MIR2052HG: variants seen among roughly 807,000 people sequenced by gnomAD.
MIR2052HG encodes MIR2052 host gene.
At chr8:74,667,305 A>G (rs969262389) in intron 2 of MIR2052HG, among the ~76,000 whole-genome samples, 2 of 152,184 alleles carry the variant, frequency 1.3e-5, no homozygotes, top group Admixed American at 6.5e-5. Flanking sequence ...AGAATTCCCA[A>G]TTCTGTGGTA....
At chr8:74,726,157 C>T (rs1445544630) in intron 4 of MIR2052HG, among the ~76,000 whole-genome samples, 1 of 152,054 alleles carries the variant, frequency 6.6e-6, no homozygotes. Context: ...CGCGCCATTG[C>T]ACTCCAGCCT....
intron 4 of MIR2052HG, among the ~76,000 whole-genome samples, chr8:74,749,071 G>C (rs1211853362): frequency 6.6e-6 from 1 of 151,998 alleles, no homozygotes; most frequent in Non-Finnish European, 1.5e-5. Context: ...AATGATTATA[G>C]AATTTTTATA....
At chr8:74,600,933 C>G (rs1338635193) in intron 1 of MIR2052HG, among the ~76,000 whole-genome samples, 2 of 152,194 alleles carry the variant, frequency 1.3e-5, no homozygotes, top group African/African-American at 4.8e-5. Flanking sequence ...AGACCTGGGA[C>G]ATAGGTCTTA....
chr8:74,708,291 G>T (rs558449624), intron 4 of MIR2052HG, among the ~76,000 whole-genome samples: 2 of 152,090 alleles, frequency 1.3e-5, no homozygotes, highest in Admixed American at 6.6e-5. Context: ...ACTAATTTTA[G>T]TTGTATCACA....
intron 3 of MIR2052HG, among the ~76,000 whole-genome samples, chr8:74,702,968 G>A (rs759982560): frequency 6.6e-6 from 1 of 152,042 alleles, no homozygotes; most frequent in Non-Finnish European, 1.5e-5. Context: ...TTGGTGAGAG[G>A]GGTGTTACGT....
At chr8:74,756,310 T>G (rs763638031) in intron 5 of MIR2052HG, among the ~76,000 whole-genome samples, 2 of 152,218 alleles carry the variant, frequency 1.3e-5, no homozygotes, top group African/African-American at 2.4e-5. Flanking sequence ...GTGTGGTTAG[T>G]CTTTCAAGGT....
intron 2 of MIR2052HG, among the ~76,000 whole-genome samples, chr8:74,626,333 A>G (rs554332710): frequency 8.5e-5 from 13 of 152,198 alleles, no homozygotes; most frequent in Non-Finnish European, 1.9e-4. Flanking sequence ...TGGCTTGGCC[A>G]CTAAGGGCTG....
chr8:74,725,886 T>C (rs946066424), intron 4 of MIR2052HG, among the ~76,000 whole-genome samples: 4 of 145,818 alleles, frequency 2.7e-5, no homozygotes, highest in Admixed American at 6.8e-5. Context: ...GGGGCTGTTA[T>C]GAGGAGTGGG....
intron 2 of MIR2052HG, among the ~76,000 whole-genome samples, chr8:74,636,456 T>C (rs969608370): frequency 1.3e-5 from 2 of 152,162 alleles, no homozygotes; most frequent in Non-Finnish European, 2.9e-5. Context: ...GAAGAAAATA[T>C]GCAGGAATGA....
chr8:74,636,503 G>A (rs1035312424), intron 2 of MIR2052HG, among the ~76,000 whole-genome samples: 46 of 152,102 alleles, frequency 3.0e-4, no homozygotes, highest in African/African-American at 1.0e-3. Context: ...AGCTCAAAGC[G>A]CGAATCCAAG....
chr8:74,755,641 C>T (rs368686917), intron 5 of MIR2052HG, among the ~76,000 whole-genome samples: 1 of 152,148 alleles, frequency 6.6e-6, no homozygotes, highest in African/African-American at 2.4e-5. Context: ...GTCAGATGCA[C>T]GGTCTTCCAG....
intron 1 of MIR2052HG, among the ~76,000 whole-genome samples, chr8:74,610,575 A>G (rs1808180461): frequency 6.6e-6 from 1 of 151,938 alleles, no homozygotes; most frequent in African/African-American, 2.4e-5. Flanking sequence ...GCAACTTGGA[A>G]GACTTACATT....
chr8:74,716,263 C>T (rs1809520106), intron 4 of MIR2052HG, among the ~76,000 whole-genome samples: 1 of 152,124 alleles, frequency 6.6e-6, no homozygotes, highest in African/African-American at 2.4e-5. Flanking sequence ...TTGTAGTAGG[C>T]AGTTCTGAGG....
At chr8:74,687,827 G>A (rs1809198664) in intron 2 of MIR2052HG, among the ~76,000 whole-genome samples, 2 of 152,122 alleles carry the variant, frequency 1.3e-5, no homozygotes, top group African/African-American at 2.4e-5. Flanking sequence ...TAGATTTTAT[G>A]TTAAGTATTC....
At chr8:74,709,471 T>A (rs2128741603) in intron 4 of MIR2052HG, among the ~76,000 whole-genome samples, 1 of 152,124 alleles carries the variant, frequency 6.6e-6, no homozygotes, top group East Asian at 1.9e-4. Flanking sequence ...ATGGGGGAAT[T>A]ACATGGGCAT....
At chr8:74,719,276 A>G (rs1460153170) in intron 4 of MIR2052HG, among the ~76,000 whole-genome samples, 4 of 152,098 alleles carry the variant, frequency 2.6e-5, no homozygotes, top group African/African-American at 9.7e-5. Flanking sequence ...CCCCTCCAAC[A>G]CCCACCAAAT....
intron 2 of MIR2052HG, among the ~76,000 whole-genome samples, chr8:74,653,673 T>C (rs557321309): frequency 1.3e-5 from 2 of 152,270 alleles, no homozygotes; most frequent in African/African-American, 2.4e-5. Context: ...GAAGGACAGA[T>C]CATTACATGA....
intron 2 of MIR2052HG, among the ~76,000 whole-genome samples, chr8:74,655,075 G>C (rs904257021): frequency 2.0e-5 from 3 of 152,176 alleles, no homozygotes; most frequent in Non-Finnish European, 4.4e-5. Flanking sequence ...CTTTGAGCTT[G>C]AGAGAGATGA....
chr8:74,707,380 A>G (rs1809421738), intron 4 of MIR2052HG, among the ~76,000 whole-genome samples: 1 of 152,188 alleles, frequency 6.6e-6, no homozygotes, highest in South Asian at 2.1e-4. Context: ...TAAAAATAAA[A>G]TACATACAAG....
Sources: allele counts gnomAD v4.1 joint callset (sites outside exome capture counted in the v4.1 genomes callset), GRCh38; gene constraint gnomAD v4.1.1; transcripts MANE v1.5; gene names NCBI Gene and HGNC (gene_info 2026-07-23, HGNC 2026-07-21).